Variants in CHODL observed in about 807,000 individuals in gnomAD.
CHODL encodes the protein transmembrane protein MT75.
Under a neutral mutation model 34.5 loss-of-function variants are expected in CHODL, and 29 were observed. The ratio of observed to expected loss-of-function variants is 0.84; its 90% CI spans 0.63 to 1.15. The LOEUF (loss-of-function observed/expected upper bound fraction) is 1.15. CHODL is among the 50% of genes most tolerant of loss of function. CHODL has a pLI of 0.00. For synonymous variants in CHODL, 125 were observed against 116.1 expected, an observed-to-expected ratio of 1.08 and a Z score of -0.49; for missense variants, 332 against 332.5, an observed-to-expected ratio of 1.00 and a Z score of 0.01.
intron 1 of CHODL, among the ~76,000 whole-genome samples, chr21:18,254,119 T>C (rs749278434): frequency 6.7e-6 from 1 of 149,334 alleles, no homozygotes; most frequent in African/African-American, 2.5e-5. Flanking sequence ...GTAATTAAAG[T>C]ACAAAGTTTG....
intron 1 of CHODL, among the ~76,000 whole-genome samples, chr21:17,978,368 G>T (rs141895945): frequency 0.042 from 6,249 of 147,574 alleles, 143 homozygotes; most frequent in South Asian, 0.099. Context: ...CTTGCAATGA[G>T]CCAAGATGGC....
chr21:18,245,050 G>T lies in CHODL; in HGVS notation c.-174G>T. 1.9e-6 allele frequency: 1 copy of T among 515,670 alleles called. No individual in the cohort carries two copies. The highest frequency in any genetic ancestry group is 3.3e-6 in the Non-Finnish European group (1 of 306,828). The allele number at this position is 515,670 out of a possible 1,614,324, so 31.9% of individuals were successfully genotyped here. A position where few individuals can be genotyped will look rare whatever the true frequency, so the allele number is the denominator to read the frequency against. ...TCCACGCGCGGCACAGGCGCGGCAG[G>T]CGGCAGGTCCCGGCCGAAGGCGATG... is the stretch of plus-strand genomic sequence containing the variant. On this transcript the variant is annotated 5_prime_UTR_variant, in exon 1 of 6. Transcript: ENST00000299295.
intron 1 of CHODL, among the ~76,000 whole-genome samples, chr21:18,245,616 C>G (rs1393585533): frequency 6.6e-6 from 1 of 152,046 alleles, no homozygotes; most frequent in Admixed American, 6.5e-5. Context: ...ACCACACGGC[C>G]GGGCTCAGCA....
chr21:17,942,868 G>A (rs147472996), intron 1 of CHODL, among the ~76,000 whole-genome samples: 1 of 152,190 alleles, frequency 6.6e-6, no homozygotes, highest in Non-Finnish European at 1.5e-5. Context: ...GATCATGGGG[G>A]TGGAATTCCC....
intron 2 of CHODL, among the ~76,000 whole-genome samples, chr21:18,227,310 T>TAA (rs2073939716): frequency 6.6e-6 from 1 of 152,170 alleles, no homozygotes; most frequent in Non-Finnish European, 1.5e-5. Flanking sequence ...TACTATAGAA[T>TAA]TTTCTAATTG....
chr21:17,928,501 G>C (rs2063246295), intron 1 of CHODL, among the ~76,000 whole-genome samples: 1 of 152,196 alleles, frequency 6.6e-6, no homozygotes, highest in Non-Finnish European at 1.5e-5. Flanking sequence ...AGGAATAACA[G>C]CTGTATAAAG....
At chr21:17,926,321 T>C (rs1377997197) in intron 1 of CHODL, among the ~76,000 whole-genome samples, 1 of 151,360 alleles carries the variant, frequency 6.6e-6, no homozygotes, top group East Asian at 1.9e-4. Context: ...ACACATTGTT[T>C]ACACAAGGAC....
At chr21:18,123,862 A>G (rs1292075072) in intron 2 of CHODL, among the ~76,000 whole-genome samples, 1 of 152,120 alleles carries the variant, frequency 6.6e-6, no homozygotes, top group Non-Finnish European at 1.5e-5. Context: ...CCCAGCAAGA[A>G]CGCAGGGTAC....
At chr21:18,173,150 A>T (rs57547366) in intron 2 of CHODL, among the ~76,000 whole-genome samples, 2,122 of 152,290 alleles carry the variant, frequency 0.014, 28 homozygotes, top group East Asian at 0.028. Context: ...ATGCAGCTTC[A>T]TCCAGGATAA....
At chr21:18,225,761 G>A (rs1288687300) in intron 2 of CHODL, among the ~76,000 whole-genome samples, 1 of 151,850 alleles carries the variant, frequency 6.6e-6, no homozygotes, top group Non-Finnish European at 1.5e-5. Flanking sequence ...TTTTTGGTGG[G>A]ATGGATGGGA....
At chr21:18,136,121 A>AAG (rs201543423) in intron 2 of CHODL, among the ~76,000 whole-genome samples, 2,751 of 138,206 alleles carry the variant, frequency 0.02, 110 homozygotes, top group African/African-American at 0.065. Context: ...AAAAAAAAGA[A>AAG]AAAGAAAAAA....
Position 18,256,822 on chromosome 21 carries a change from A to G in CHODL, c.389+4A>G. 6.2e-7 allele frequency: 1 copy of G among 1,610,162 alleles called. No homozygotes were observed. The highest frequency in any genetic ancestry group is 8.5e-7 in the Non-Finnish European group (1 of 1,177,668). On this transcript the variant is annotated splice_donor_region_variant and intron_variant, in intron 2 of 5. Transcript: ENST00000299295. ...ATGGAAGCAATTCCCAGTACCGGTG[A>G]GTATGGATCTTGAGCAGTTGGCAGG...
intron 1 of CHODL, among the ~76,000 whole-genome samples, chr21:17,975,156 T>C (rs1024940347): frequency 6.6e-6 from 1 of 152,032 alleles, no homozygotes; most frequent in Non-Finnish European, 1.5e-5. Context: ...TGAAAGATTA[T>C]GTCCTTTTCA....
At chr21:18,194,447 G>A (rs531998502) in intron 2 of CHODL, among the ~76,000 whole-genome samples, 6 of 152,076 alleles carry the variant, frequency 3.9e-5, no homozygotes, top group African/African-American at 1.4e-4. Flanking sequence ...GCACTAGCTG[G>A]TTCATTTTCC....
intron 5 of CHODL, among the ~76,000 whole-genome samples, chr21:18,265,330 TA>T (rs1215756222): frequency 6.7e-6 from 1 of 149,972 alleles, no homozygotes; most frequent in Non-Finnish European, 1.5e-5. Context: ...TATGATGGAA[TA>T]CTACTCATCC....
chr21:18,101,656 G>A (rs542723240), intron 2 of CHODL, among the ~76,000 whole-genome samples: 13 of 151,558 alleles, frequency 8.6e-5, no homozygotes, highest in Non-Finnish European at 1.8e-4. Context: ...AAAAAGAAAG[G>A]TAAGTGTTGA....
At position 18,091,143 on chromosome 21, in the gene CHODL, A is replaced by G. The variant is rs993132664; in HGVS notation, c.-45+63172A>G. On this transcript the variant is annotated intron_variant, in intron 2 of 6. Coordinates refer to the CHODL transcript ENST00000400127. ...TGGCTTAGCCAGTCCCCACATACAG[A>G]GGGAACATTTGGACCAGCCCTAGCT... Among the ~76,000 whole-genome samples, 4 of 152,212 alleles carry G rather than the reference A, an allele frequency of 2.6e-5. No homozygotes were observed. The South Asian group carries it at 8.3e-4, about 32-fold the overall frequency.
At chr21:18,261,635 T>C (rs995372541) in intron 4 of CHODL, among the ~76,000 whole-genome samples, 12 of 152,128 alleles carry the variant, frequency 7.9e-5, no homozygotes, top group Admixed American at 6.6e-4. Flanking sequence ...CCATGCACTC[T>C]GGCCTGGGAG....
intron 2 of CHODL, among the ~76,000 whole-genome samples, chr21:18,032,137 T>C (rs1046931422): frequency 1.3e-5 from 2 of 152,004 alleles, no homozygotes; most frequent in African/African-American, 4.8e-5. Flanking sequence ...AAGGTCAAGA[T>C]ATATATTGTA....
Sources: gnomAD v4.1 joint callset for allele counts (sites outside exome capture counted in the v4.1 genomes callset) on GRCh38, gnomAD v4.1.1 for gene constraint, MANE v1.5 for transcripts, NCBI Gene and HGNC (gene_info 2026-07-23, HGNC 2026-07-21) for gene names.